The following RARB variants were observed in gnomAD, a reference collection of about 807,000 sequenced individuals.
RARB encodes retinoic acid receptor beta, also known as HBV-activated protein.
In RARB, 17 loss-of-function variants were observed where a neutral mutation model predicts 51.9. That is an observed-to-expected ratio of 0.33 (90% confidence interval 0.22 to 0.49). The LOEUF (loss-of-function observed/expected upper bound fraction) is 0.49. Ranked by LOEUF, RARB falls within the 20% of genes least tolerant of loss-of-function variation. RARB has a pLI of 0.99. For synonymous variants in RARB, 215 were observed against 195.4 expected (o/e 1.10, Z -0.84); for missense variants, 369 against 550.8 (o/e 0.67, Z 3.30).
intron 3 of RARB, among the ~76,000 whole-genome samples, chr3:25,076,566 G>T (rs1436633504): frequency 6.6e-6 from 1 of 152,176 alleles, no homozygotes. Flanking sequence ...CCATGCAAAA[G>T]TAGGTTTAAA....
intron 2 of RARB, among the ~76,000 whole-genome samples, chr3:25,472,425 T>C (rs1695742372): frequency 6.6e-6 from 1 of 152,206 alleles, no homozygotes. Flanking sequence ...AGATGTAGTC[T>C]AGCCATGTGC....
At chr3:25,322,956 T>G (rs1457613840) in intron 5 of RARB, among the ~76,000 whole-genome samples, 3 of 152,188 alleles carry the variant, frequency 2.0e-5, no homozygotes, top group African/African-American at 7.2e-5. Flanking sequence ...GTCAAAAATT[T>G]AGGCAGCACT....
At chr3:25,130,915 TTATCAATATTTATCATTGATAA>T (rs1217349420) in intron 3 of RARB, among the ~76,000 whole-genome samples, 7 of 23,130 alleles carry the variant, frequency 3.0e-4, no homozygotes, top group East Asian at 1.6e-3. Flanking sequence ...ATTGATAATA[TTATCAATATTTATCATTGATAA>T]TATCAATATT....
At chr3:25,493,666 C>A (rs913339480) in intron 2 of RARB, among the ~76,000 whole-genome samples, 1 of 152,188 alleles carries the variant, frequency 6.6e-6, no homozygotes, top group Non-Finnish European at 1.5e-5. Flanking sequence ...TCCTTTTGAA[C>A]TTTGCATGGG....
At chr3:25,009,585 G>A (rs11711307) in intron 2 of RARB, among the ~76,000 whole-genome samples, 28,314 of 151,892 alleles carry the variant, frequency 0.19, 3,362 homozygotes, top group East Asian at 0.41. Flanking sequence ...ATTGTCACAG[G>A]GAGTCCTCAT....
At chr3:24,942,808 T>G (rs1390819105) in intron 2 of RARB, among the ~76,000 whole-genome samples, 1 of 152,212 alleles carries the variant, frequency 6.6e-6, no homozygotes, top group East Asian at 1.9e-4. Context: ...TTTTTTTCTC[T>G]ATTAACTTAT....
chr3:25,300,017 G>A (rs746513310), intron 5 of RARB, among the ~76,000 whole-genome samples: 8 of 152,038 alleles, frequency 5.3e-5, no homozygotes, highest in Non-Finnish European at 1.0e-4. Flanking sequence ...CATTTGATTC[G>A]ATTTCAACAC....
chr3:25,385,011 T>C (rs937544983), intron 5 of RARB, among the ~76,000 whole-genome samples: 4 of 152,208 alleles, frequency 2.6e-5, no homozygotes, highest in African/African-American at 7.2e-5. Flanking sequence ...AACTCTTATA[T>C]GAGGTCATAC....
At chr3:25,351,649 T>C (rs1005590324) in intron 5 of RARB, among the ~76,000 whole-genome samples, 6 of 152,294 alleles carry the variant, frequency 3.9e-5, no homozygotes, top group African/African-American at 1.4e-4. Flanking sequence ...CAAAAGAGGT[T>C]AAAAAAATTG....
intron 2 of RARB, among the ~76,000 whole-genome samples, chr3:24,905,487 T>G (rs780064015): frequency 7.2e-5 from 11 of 152,164 alleles, no homozygotes; most frequent in Non-Finnish European, 1.2e-4. Context: ...GCTGACTCAT[T>G]CCTCTCTACG....
At chr3:24,974,621 C>T (rs1394382366) in intron 2 of RARB, among the ~76,000 whole-genome samples, 1 of 152,058 alleles carries the variant, frequency 6.6e-6, no homozygotes, top group Admixed American at 6.6e-5. Flanking sequence ...GTAAGGCTGT[C>T]TGTGGATTCA....
intron 5 of RARB, among the ~76,000 whole-genome samples, chr3:25,279,290 C>T (rs538388374): frequency 6.6e-6 from 1 of 152,288 alleles, no homozygotes; most frequent in South Asian, 2.1e-4. Flanking sequence ...TGGCCACTTC[C>T]CCCACTGCAT....
intron 3 of RARB, among the ~76,000 whole-genome samples, chr3:25,564,359 TC>T (rs1700398715): frequency 6.6e-6 from 1 of 152,230 alleles, no homozygotes; most frequent in Non-Finnish European, 1.5e-5. Flanking sequence ...GCACCTTTCA[TC>T]CAAGAAGCGC....
rs1490550001 is a variant in RARB, at chr3:25,379,755, CATCT to C, written c.179-81437_179-81434del. Reference sequence around the variant, plus strand: ...AGACATTGTTTATTTTACATTATAACATCTCTCAAATTGAGGTATATCTCATAGC... The same window carrying C: ...AGACATTGTTTATTTTACATTATAACCTCAAATTGAGGTATATCTCATAGC... On this transcript the variant is annotated intron_variant, in intron 5 of 11. Transcript: ENST00000383772. Among the ~76,000 whole-genome samples the C allele has an allele frequency of 2.0e-5, 3 of 152,172 alleles. No individual in the cohort carries two copies. In the East Asian group the frequency reaches 5.8e-4, roughly 29 times the overall value.
intron 5 of RARB, among the ~76,000 whole-genome samples, chr3:25,338,641 C>T (rs1228699438): frequency 6.6e-6 from 1 of 152,188 alleles, no homozygotes; most frequent in Admixed American, 6.5e-5. Context: ...CTCATCTGCA[C>T]AAGCTTCTGT....
At chr3:25,075,321 C>T (rs1698851031) in intron 3 of RARB, among the ~76,000 whole-genome samples, 1 of 152,164 alleles carries the variant, frequency 6.6e-6, no homozygotes, top group African/African-American at 2.4e-5. Context: ...CCTTCAATCT[C>T]TGTTTATCCT....
At chr3:25,313,575 A>C (rs746125570) in intron 5 of RARB, among the ~76,000 whole-genome samples, 1 of 152,134 alleles carries the variant, frequency 6.6e-6, no homozygotes, top group African/African-American at 2.4e-5. Context: ...TCTTTTGCTA[A>C]TTGGCTCCCA....
At chr3:25,544,418 G>C (rs1699523759) in intron 3 of RARB, among the ~76,000 whole-genome samples, 1 of 152,130 alleles carries the variant, frequency 6.6e-6, no homozygotes, top group Non-Finnish European at 1.5e-5. Context: ...AGGTTCTCAT[G>C]CTATATGGAG....
chr3:25,590,341 T>G (rs150267714), intron 5 of RARB, among the ~76,000 whole-genome samples: 41 of 152,372 alleles, frequency 2.7e-4, no homozygotes, highest in African/African-American at 9.4e-4. Context: ...AATCCTGGTC[T>G]TTTGTTCCTT....
Sources: allele counts gnomAD v4.1 joint callset (sites outside exome capture counted in the v4.1 genomes callset), GRCh38; gene constraint gnomAD v4.1.1; transcripts MANE v1.5; gene names NCBI Gene and HGNC (gene_info 2026-07-23, HGNC 2026-07-21).